DCAF6: variants seen among roughly 807,000 people sequenced by gnomAD.
DCAF6 encodes DDB1 and CUL4 associated factor 6.
DCAF6 carries 54 observed loss-of-function variants against 125.1 expected under a neutral mutation model. The observed-to-expected ratio is 0.43, with a 90% CI of 0.35 to 0.54. The LOEUF is 0.54. Ranked by LOEUF, DCAF6 falls within the 20% of genes least tolerant of loss-of-function variation. DCAF6 has a pLI of 0.01. For missense variants in DCAF6, 934 were observed against 1,161.7 expected, an observed-to-expected ratio of 0.80 and a Z score of 2.85; for synonymous variants, 371 against 390.4, an observed-to-expected ratio of 0.95 and a Z score of 0.58.
At chr1:167,971,327 T>A (rs1677268109) in intron 3 of DCAF6, among the ~76,000 whole-genome samples, 1 of 152,204 alleles carries the variant, frequency 6.6e-6, no homozygotes, top group Non-Finnish European at 1.5e-5. Flanking sequence ...GATGGCAACT[T>A]CTTTGAGATA....
At chr1:168,044,266 T>C (rs1688883043) in intron 14 of DCAF6, among the ~76,000 whole-genome samples, 1 of 152,142 alleles carries the variant, frequency 6.6e-6, no homozygotes, top group Non-Finnish European at 1.5e-5. Flanking sequence ...CTGGATTTAA[T>C]GATACATTTG....
At chr1:167,868,366 C>T in the DCAF6 span, among the ~76,000 whole-genome samples, 1 of 152,124 alleles carries the variant, frequency 6.6e-6, no homozygotes, top group East Asian at 1.9e-4. Context: ...AATTATTAGA[C>T]AATATTGCAT....
chr1:167,985,935 G>A (rs1213945367), intron 4 of DCAF6, among the ~76,000 whole-genome samples: 1 of 152,062 alleles, frequency 6.6e-6, no homozygotes, highest in Non-Finnish European at 1.5e-5. Flanking sequence ...GTTAGTTTGG[G>A]CCTTTTTACG....
chr1:167,934,251 T>C (rs1193302681), upstream of DCAF6, among the ~76,000 whole-genome samples: 1 of 152,212 alleles, frequency 6.6e-6, no homozygotes, highest in Non-Finnish European at 1.5e-5. Context: ...CCTCCAATTT[T>C]GTATTATTTT....
At chr1:168,054,001 C>T (rs959813007) in intron 17 of DCAF6, among the ~76,000 whole-genome samples, 3 of 152,012 alleles carry the variant, frequency 2.0e-5, no homozygotes, top group African/African-American at 7.3e-5. Context: ...GTTTCTTGCC[C>T]CCACAAAGGA....
At chr1:167,981,674 C>G (rs1012685291) in intron 4 of DCAF6, among the ~76,000 whole-genome samples, 1 of 152,146 alleles carries the variant, frequency 6.6e-6, no homozygotes, top group African/African-American at 2.4e-5. Context: ...GGATAATAGC[C>G]TCCAGCTGCA....
At chr1:167,888,502 CTTTAT>C in the DCAF6 span, among the ~76,000 whole-genome samples, 1 of 151,676 alleles carries the variant, frequency 6.6e-6, no homozygotes, top group South Asian at 2.1e-4. Context: ...TTACTAGGTA[CTTTAT>C]TTTATTTTTA....
chr1:167,930,450 C>T, the DCAF6 span, among the ~76,000 whole-genome samples: 1 of 151,976 alleles, frequency 6.6e-6, no homozygotes, highest in South Asian at 2.1e-4. Context: ...ATAAATAATC[C>T]AACAAGGATA....
At chr1:167,916,833 A>T in the DCAF6 span, 1 of 152,232 alleles carries the variant, frequency 6.6e-6, no homozygotes, top group Admixed American at 6.5e-5. Context: ...CATGCCAAAC[A>T]CACAAATGAA....
chr1:167,901,983 TC>T, the DCAF6 span: 1 of 1,613,500 alleles, frequency 6.2e-7, no homozygotes, highest in East Asian at 2.2e-5. Context: ...AGCACTCCTT[TC>T]TTACCCCTTC....
chr1:167,896,693 T>G, the DCAF6 span: 1 of 1,583,520 alleles, frequency 6.3e-7, no homozygotes, highest in South Asian at 1.1e-5. Flanking sequence ...GAAGTTAACC[T>G]AAATAAAAGC....
Position 168,003,995 on chromosome 1 carries a change from T to G in DCAF6, c.1117+6T>G. The G allele has an allele frequency of 6.2e-7, 1 of 1,609,602 alleles. No individual in the cohort carries two copies. The highest frequency in any genetic ancestry group is 8.5e-7 in the Non-Finnish European group (1 of 1,178,068). On this transcript the variant is annotated splice_donor_region_variant and intron_variant, in intron 9 of 21. Coordinates refer to ENST00000367840, the MANE Select transcript of DCAF6 (RefSeq NM_001198956.2). ...AGGAAGATCTCGACCCAGAGGTAATTTTTAATGTTAATTAAAGTCATCAGA... is the reference window on the plus strand; with the variant it reads ...AGGAAGATCTCGACCCAGAGGTAATGTTTAATGTTAATTAAAGTCATCAGA...
intron 1 of DCAF6, 80 bp downstream of exon 1, chr1:167,937,088 G>A: frequency 7.7e-7 from 1 of 1,294,228 alleles, no homozygotes; most frequent in Non-Finnish European, 1.1e-6. Flanking sequence ...GTCTGTTGGA[G>A]GTGGGACGGC....
chr1:167,912,237 A>C, the DCAF6 span, among the ~76,000 whole-genome samples: 99 of 152,162 alleles, frequency 6.5e-4, no homozygotes, highest in Non-Finnish European at 1.2e-3. Context: ...GTCCTTGGGA[A>C]ATTTTCATTT....
chr1:168,019,224 AT>A (rs1304213121), intron 11 of DCAF6, among the ~76,000 whole-genome samples: 2 of 151,794 alleles, frequency 1.3e-5, no homozygotes, highest in Non-Finnish European at 2.9e-5. Flanking sequence ...AATTTTTTGT[AT>A]TTTTGGTAGA....
At chr1:167,985,204 TGTGTGTG>T (rs1202684860) in intron 4 of DCAF6, among the ~76,000 whole-genome samples, 3 of 147,146 alleles carry the variant, frequency 2.0e-5, no homozygotes, top group Non-Finnish European at 3.0e-5. Context: ...TGTGTGTGTG[TGTGTGTG>T]GTGTGTGTGT....
intron 20 of DCAF6, 120 bp from the exon 21 acceptor site, chr1:168,068,238 C>A: frequency 1.7e-6 from 1 of 574,904 alleles, no homozygotes. Context: ...AGACATCAGA[C>A]GCATAAAGAA....
At chr1:167,987,383 C>T in intron 4 of DCAF6, 112 bp from the exon 5 acceptor site, 1 of 574,974 alleles carries the variant, frequency 1.7e-6, no homozygotes, top group South Asian at 2.7e-5. Context: ...AACTAAAATG[C>T]ATGGTTTTTG....
intron 12 of DCAF6, chr1:168,023,280 A>T: frequency 1.8e-6 from 1 of 559,814 alleles, no homozygotes; most frequent in Admixed American, 3.0e-5. Context: ...CCAACTTTGA[A>T]CTCTCTCCCT....
Sources: allele counts gnomAD v4.1 joint callset (sites outside exome capture counted in the v4.1 genomes callset), GRCh38; gene constraint gnomAD v4.1.1; transcripts MANE v1.5; gene names NCBI Gene and HGNC (gene_info 2026-07-23, HGNC 2026-07-21).